Variants in ZMYM2 observed in about 807,000 individuals in gnomAD.
ZMYM2 encodes the protein zinc finger MYM-type protein 2.
Under a neutral mutation model 162.8 loss-of-function variants are expected in ZMYM2, and 56 were observed. The ratio of observed to expected loss-of-function variants is 0.34; its 90% CI spans 0.28 to 0.43. The LOEUF (loss-of-function observed/expected upper bound fraction) is 0.43. Ranked by LOEUF, ZMYM2 falls within the 20% of genes least tolerant of loss-of-function variation. The pLI is 1.00. For synonymous variants in ZMYM2, 510 were observed against 541.6 expected (o/e 0.94, Z 0.81); for missense variants, 1,275 against 1,621.8 (o/e 0.79, Z 3.67).
the ZMYM2 span, among the ~76,000 whole-genome samples, chr13:19,928,896 C>T: frequency 1.6e-4 from 25 of 152,240 alleles, no homozygotes; most frequent in African/African-American, 5.8e-4. Context: ...CCACCCACCT[C>T]GGCCTCCCAA....
chr13:20,027,137 A>G (rs552048574), intron 8 of ZMYM2, 66 bp from the exon 9 acceptor site: 6 of 1,057,744 alleles, frequency 5.7e-6, no homozygotes, highest in African/African-American at 1.6e-5. Context: ...TGATCTCAGT[A>G]GTTAAGATAA....
the ZMYM2 span, among the ~76,000 whole-genome samples, chr13:19,930,125 G>T: frequency 4.6e-5 from 7 of 152,124 alleles, no homozygotes; most frequent in African/African-American, 1.7e-4. Flanking sequence ...TATTTGTCAG[G>T]CACGGTGGCT....
intron 10 of ZMYM2, among the ~76,000 whole-genome samples, chr13:20,032,599 CTTTTTTTTTTTTTTT>C (rs57294389): frequency 6.1e-5 from 4 of 66,034 alleles, no homozygotes; most frequent in Admixed American, 1.6e-4. Flanking sequence ...TTTTTTCTGT[CTTTTTTTTTTTTTTT>C]TTTTTTTTTT....
the ZMYM2 span, among the ~76,000 whole-genome samples, chr13:19,951,657 G>C: frequency 6.6e-6 from 1 of 151,916 alleles, no homozygotes; most frequent in Non-Finnish European, 1.5e-5. Flanking sequence ...AGCTGAGATG[G>C]GGCCACTGCA....
chr13:19,892,024 C>G, the ZMYM2 span, among the ~76,000 whole-genome samples: 1 of 151,676 alleles, frequency 6.6e-6, no homozygotes, highest in East Asian at 1.9e-4. Flanking sequence ...TCACTGCAGC[C>G]TTGACCTCCC....
the ZMYM2 span, among the ~76,000 whole-genome samples, chr13:19,883,473 A>G: frequency 6.6e-6 from 1 of 152,236 alleles, no homozygotes; most frequent in Non-Finnish European, 1.5e-5. Context: ...CTGACAGAGA[A>G]TTAGACAACG....
intron 6 of ZMYM2, among the ~76,000 whole-genome samples, chr13:20,008,645 A>G (rs1387302978): frequency 6.6e-6 from 1 of 152,104 alleles, no homozygotes; most frequent in African/African-American, 2.4e-5. Flanking sequence ...CCAGATAATT[A>G]TTTTTTCAAA....
chr13:20,041,733 G>T (rs962894682), intron 12 of ZMYM2, among the ~76,000 whole-genome samples: 2 of 152,074 alleles, frequency 1.3e-5, no homozygotes, highest in African/African-American at 4.8e-5. Flanking sequence ...TATAAAGCAG[G>T]TCTGGTGGTA....
In ZMYM2 at chr13:19,965,771, C is replaced by CTTT. The variant is rs35914050; in HGVS notation, c.-11+5763_-11+5765dup. On this transcript the variant is annotated intron_variant, in intron 2 of 24. Transcript: ENST00000610343. Reference sequence around the variant, plus strand: ...CTGGCCCTGATATGGTATCTGAATTCTTTTTTTTTTTTTTTTTTTTGAGAC... The same window carrying CTTT: ...CTGGCCCTGATATGGTATCTGAATTCTTTTTTTTTTTTTTTTTTTTTTTGAGAC... Among the ~76,000 whole-genome samples, 598 of 104,880 alleles carry CTTT rather than the reference C, an allele frequency of 5.7e-3. 19 individuals carry two copies. The highest frequency in any genetic ancestry group is 0.044 in the South Asian group (138 of 3,160). The allele number at this position is 104,880 out of a possible 152,430, so 68.8% of individuals were successfully genotyped here. A position where few individuals can be genotyped will look rare whatever the true frequency, so the allele number is the denominator to read the frequency against.
chr13:19,964,082 A>T (rs939434163), intron 2 of ZMYM2, among the ~76,000 whole-genome samples: 1 of 152,228 alleles, frequency 6.6e-6, no homozygotes, highest in African/African-American at 2.4e-5. Context: ...GAAATGACAT[A>T]AGAGTAAACT....
In ZMYM2 at chr13:20,019,577, G is replaced by A. The variant is rs1319065708; in HGVS notation, c.1543G>A (p.Val515Ile). 3 of 1,596,644 alleles carry A rather than the reference G, an allele frequency of 1.9e-6. No individual in the cohort carries two copies. Among genetic ancestry groups the A allele is most frequent in the Non-Finnish European group, 2.6e-6 (3 of 1,171,004 alleles). The stretch of plus-strand genomic sequence containing the variant: ...TAGCCATCCAAGCTTCCTGAAGGAG[G>A]TTCGAGATCACATGCAGGACTCTTT... ...VGSHPSFLKE[V>I]RDHMQDSFLM... The change falls in exon 7 of 25, where the codon GTT becomes ATT. Residue 515 changes from valine (V) to isoleucine (I), a missense_variant. Transcript: ENST00000610343.
chr13:19,898,603 A>C, the ZMYM2 span, among the ~76,000 whole-genome samples: 7 of 152,112 alleles, frequency 4.6e-5, no homozygotes, highest in African/African-American at 1.7e-4. Flanking sequence ...TATTGTAACA[A>C]ATTAAACAAA....
At chr13:19,971,262 A>ATATATATATTTT (rs1329532735) in intron 2 of ZMYM2, among the ~76,000 whole-genome samples, 2 of 78,330 alleles carry the variant, frequency 2.6e-5, no homozygotes, top group African/African-American at 4.6e-5. Flanking sequence ...ATATATATAT[A>ATATATATATTTT]TTTTTTTTTT....
At chr13:19,921,037 G>A in the ZMYM2 span, among the ~76,000 whole-genome samples, 1 of 152,122 alleles carries the variant, frequency 6.6e-6, no homozygotes, top group East Asian at 1.9e-4. Flanking sequence ...CCAAAGTGCT[G>A]GGATTACAGG....
At chr13:20,010,320 C>T (rs1053958523) in intron 6 of ZMYM2, among the ~76,000 whole-genome samples, 2 of 151,822 alleles carry the variant, frequency 1.3e-5, no homozygotes, top group East Asian at 1.9e-4. Context: ...CTCAGCCTCC[C>T]GAGTAGCTGG....
chr13:19,883,411 A>AT, the ZMYM2 span, among the ~76,000 whole-genome samples: 5 of 152,318 alleles, frequency 3.3e-5, no homozygotes, highest in South Asian at 2.1e-4. Context: ...TTTCACCTTA[A>AT]TTTTTTTAAA....
At chr13:19,983,346 G>A (rs907900401) in intron 2 of ZMYM2, among the ~76,000 whole-genome samples, 5 of 151,868 alleles carry the variant, frequency 3.3e-5, no homozygotes, top group Non-Finnish European at 5.9e-5. Context: ...GGGTTTTGCC[G>A]TGTTGGCCAG....
the ZMYM2 span, among the ~76,000 whole-genome samples, chr13:19,879,313 T>A: frequency 6.6e-6 from 1 of 152,196 alleles, no homozygotes; most frequent in Non-Finnish European, 1.5e-5. Flanking sequence ...TGGTGGCTCA[T>A]GCTTGTAATC....
chr13:19,949,636 C>T, the ZMYM2 span, among the ~76,000 whole-genome samples: 1 of 151,936 alleles, frequency 6.6e-6, no homozygotes, highest in Non-Finnish European at 1.5e-5. Flanking sequence ...CTCCTGTAAT[C>T]CCAGCACTTT....
Sources: gnomAD v4.1 joint callset for allele counts (sites outside exome capture counted in the v4.1 genomes callset) on GRCh38, gnomAD v4.1.1 for gene constraint, MANE v1.5 for transcripts, NCBI Gene and HGNC (gene_info 2026-07-23, HGNC 2026-07-21) for gene names.